HDHD3: variants seen among roughly 807,000 people sequenced by gnomAD.
HDHD3 encodes haloacid dehalogenase-like hydrolase domain-containing protein 3.
Under a neutral mutation model 6.9 loss-of-function variants are expected in HDHD3, and 6 were observed. The observed-to-expected ratio is 0.87, with a 90% CI of 0.48 to 1.72. The LOEUF (loss-of-function observed/expected upper bound fraction) is 1.72. Ranked by LOEUF, HDHD3 falls within the 40% of genes most tolerant of loss-of-function variation. The pLI is 0.01. For missense variants in HDHD3, 308 were observed against 327.4 expected (o/e 0.94, Z 0.46); for synonymous variants, 139 against 140.7 (o/e 0.99, Z 0.08).
Position 113,374,272 on chromosome 9 carries a change from G to A in HDHD3, c.83C>T (p.Ala28Val). ...LLRLRHPLGE[A>V]YATKARAHGL... ...ATGGGCCCGGGCCTTGGTGGCATAG[G>A]CCTCCCCTAAGGGGTGGCGGAGCCT... The change falls in exon 3 of 3, where the codon GCC becomes GTC. Residue 28 changes from alanine (A) to valine (V), a missense_variant. Coordinates refer to ENST00000374180, the MANE Select transcript of HDHD3 (RefSeq NM_001304509.2). The A allele has an allele frequency of 6.3e-7, 1 of 1,587,746 alleles. No homozygotes were observed.
At position 113,373,610 on chromosome 9, in the gene HDHD3, G is replaced by A; in HGVS notation, c.745C>T (p.Pro249Ser). Reference protein sequence around the residue: ...PALDCLEGSTPGL With the variant: ...PALDCLEGSTSGL ...TTCCCTCACTGGCCTCAAAGCCCTGGAGTTGAGCCCTCTAGGCAGTCAAGG... is the reference window on the plus strand; with the variant it reads ...TTCCCTCACTGGCCTCAAAGCCCTGAAGTTGAGCCCTCTAGGCAGTCAAGG... The change falls in exon 3 of 3, where the codon CCA (proline) becomes TCA (serine). Residue 249 changes from proline (P) to serine (S), a missense_variant. Transcript: ENST00000374180. The A allele has an allele frequency of 6.4e-7, 1 of 1,574,746 alleles. No individual in the cohort carries two copies. Among genetic ancestry groups the A allele is most frequent in the African/African-American group, 1.4e-5 (1 of 74,014 alleles).
In HDHD3 at chr9:113,376,984, G is replaced by C. The variant is rs1834484440; in HGVS notation, c.-546C>G. On this transcript the variant is annotated 5_prime_UTR_variant, in exon 1 of 3. Coordinates refer to ENST00000374180, the MANE Select transcript of HDHD3 (RefSeq NM_001304509.2). Reference sequence around the variant, plus strand: ...CGCAAGGCCCGCGAGCTCGGGCGGAGGTGCGCAAGCGCCGGGCGGTGGGGC... The same window carrying C: ...CGCAAGGCCCGCGAGCTCGGGCGGACGTGCGCAAGCGCCGGGCGGTGGGGC... 6.6e-6 allele frequency: 1 copy of C among 152,266 alleles called. No homozygotes were observed. Among genetic ancestry groups the C allele is most frequent in the Admixed American group, 6.5e-5 (1 of 15,290 alleles). The allele number at this position is 152,266 out of a possible 1,614,324, so 9.4% of individuals were successfully genotyped here.
chr9:113,374,899 A>C (rs1834424865), intron 2 of HDHD3, among the ~76,000 whole-genome samples: 1 of 146,744 alleles, frequency 6.8e-6, no homozygotes, highest in Admixed American at 6.8e-5. Context: ...TTTGTGAGAC[A>C]GGGTCTCTCT....
Position 113,376,420 on chromosome 9 carries a change from T to C in HDHD3, c.-291+309A>G, listed in dbSNP as rs1372715574. 1.8e-4 allele frequency among the ~76,000 whole-genome samples: 25 copies of C among 139,962 alleles called. 1 individual carries two copies. The highest frequency in any genetic ancestry group is 6.6e-4 in the African/African-American group (23 of 34,976). 91.8% of individuals were successfully genotyped at this position (139,962 alleles called of 152,430 possible). A position where few individuals can be genotyped will look rare whatever the true frequency, so the allele number is the denominator to read the frequency against. On this transcript the variant is annotated intron_variant, in intron 1 of 2. Coordinates refer to ENST00000374180, the MANE Select transcript of HDHD3 (RefSeq NM_001304509.2). ...AGGTGTACAGTGGTGCGATCTCGGC[T>C]CACTGCAACTTCCGCCTCCCGGATT... is the stretch of plus-strand genomic sequence containing the variant.
At chr9:113,374,786 A>G (rs1245657218) in intron 2 of HDHD3, among the ~76,000 whole-genome samples, 1 of 152,264 alleles carries the variant, frequency 6.6e-6, no homozygotes, top group East Asian at 1.9e-4. Context: ...AATGAAGTCA[A>G]TAGATACCGT....
At chr9:113,376,630 G>T (rs1047651893) in intron 1 of HDHD3, 99 bp downstream of exon 1, 11 of 145,664 alleles carry the variant, frequency 7.6e-5, no homozygotes, top group African/African-American at 2.8e-4. Flanking sequence ...CAAAGTGCTG[G>T]GATTACGGTA....
intron 2 of HDHD3, among the ~76,000 whole-genome samples, chr9:113,374,855 G>C (rs1389702983): frequency 2.6e-5 from 4 of 152,158 alleles, no homozygotes; most frequent in African/African-American, 9.7e-5. Context: ...TCATAAGCAA[G>C]TGAAGTTTCT....
chr9:113,373,905 C>T lies in HDHD3; in HGVS notation c.450G>A (p.Leu150=), dbSNP rs145355705. ...TCAGCACAAAGTCGAAGTGTTCACG[C>T]AGGCCAAGGCCCCCCAGGATGCCCT... The part of the protein sequence containing the change: ...RLEGILGGLG[L]REHFDFVLTS... Residue 150 remains leucine, a synonymous_variant, in exon 3 of 3, where the codon CTG becomes CTA. Transcript: ENST00000374180. 6.2e-7 allele frequency: 1 copy of T among 1,614,138 alleles called. No homozygotes were observed. Among genetic ancestry groups the T allele is most frequent in the Admixed American group, 1.7e-5 (1 of 60,008 alleles).
In HDHD3 at chr9:113,373,440, G is replaced by C; in HGVS notation, c.*159C>G. The C allele has an allele frequency of 1.4e-6, 1 of 693,474 alleles. No homozygotes were observed. Among genetic ancestry groups the C allele is most frequent in the South Asian group, 2.7e-5 (1 of 37,730 alleles). 43.0% of individuals were successfully genotyped at this position (693,474 alleles called of 1,614,324 possible). Reference sequence around the variant, plus strand: ...GAGCTGGTTAGTGGGGGAAGGGTGAGAGCTCAGCACTCACTGCTTTATTAT... The same window carrying C: ...GAGCTGGTTAGTGGGGGAAGGGTGACAGCTCAGCACTCACTGCTTTATTAT... On this transcript the variant is annotated 3_prime_UTR_variant, in exon 3 of 3. Transcript: ENST00000374180.
chr9:113,376,590 T>TTCCCCCCCCCCCCCCCCCCCCCCCCCCCC (rs137860074), intron 1 of HDHD3, 139 bp downstream of exon 1: 5 of 134,286 alleles, frequency 3.7e-5, no homozygotes, highest in Non-Finnish European at 6.2e-5. Context: ...CTCGTGATCC[T>TTCCCCCCCCCCCCCCCCCCCCCCCCCCCC]CCCCCGCCCC....
rs1203969099 is a variant in HDHD3 at position 113,373,973 on chromosome 9, C to A, written c.382G>T (p.Gly128Cys). The change falls in exon 3 of 3, where the codon GGT (glycine) becomes TGT (cysteine). Residue 128 changes from glycine to cysteine, a missense_variant. Physicochemically the swap from Gly to Cys is radical, Grantham distance 159. Transcript: ENST00000374180. ...EDTLRECRTR[G>C]LRLAVISNFD... ...TTGGAGATCACTGCCAGTCTCAGACCCCGTGTGCGGCACTCCCTCAGGGTG... is the reference window on the plus strand; with the variant it reads ...TTGGAGATCACTGCCAGTCTCAGACACCGTGTGCGGCACTCCCTCAGGGTG... The A allele has an allele frequency of 3.7e-6, 6 of 1,614,232 alleles. No individual in the cohort carries two copies. The African/African-American group carries it at 8.0e-5, about 22-fold the overall frequency.
Position 113,373,697 on chromosome 9 carries a change from C to T in HDHD3, c.658G>A (p.Val220Met), listed in dbSNP as rs766926828. Residue 220 changes from valine (V) to methionine (M), a missense_variant, in exon 3 of 3, where the codon GTG becomes ATG. Val to Met is a conservative substitution (Grantham distance 21). Coordinates refer to ENST00000374180, the MANE Select transcript of HDHD3 (RefSeq NM_001304509.2). ...LVVGPQALDP[V>M]VRDSVPKEHI... The stretch of plus-strand genomic sequence containing the variant: ...TCTTTAGGTACAGAATCCCTGACCA[C>T]GGGGTCCAGTGCCTGTGGGCCAACC... The T allele has an allele frequency of 6.8e-6, 11 of 1,613,924 alleles. No homozygotes were observed. The highest frequency in any genetic ancestry group is 4.5e-5 in the East Asian group (2 of 44,886).
chr9:113,376,590 T>TTCCCCCCCCCCCCCCCCCCCCCCCCCC (rs137860074), intron 1 of HDHD3, 139 bp downstream of exon 1: 21 of 134,272 alleles, frequency 1.6e-4, no homozygotes, highest in South Asian at 2.3e-4. Flanking sequence ...CTCGTGATCC[T>TTCCCCCCCCCCCCCCCCCCCCCCCCCC]CCCCCGCCCC....
chr9:113,374,713 T>A (rs1040989), intron 2 of HDHD3, among the ~76,000 whole-genome samples, 184 bp from the exon 3 acceptor site: 57,339 of 151,952 alleles, frequency 0.38, 11,323 homozygotes, highest in East Asian at 0.57. Flanking sequence ...CTTAGGGCAT[T>A]TACAGGCACT....
At chr9:113,374,866 TTTTA>T (rs1288006801) in intron 2 of HDHD3, among the ~76,000 whole-genome samples, 28 of 152,068 alleles carry the variant, frequency 1.8e-4, no homozygotes, top group East Asian at 1.7e-3. Context: ...TGAAGTTTCT[TTTTA>T]TTTATTTTTT....
At position 113,374,064 on chromosome 9, in the gene HDHD3, G is replaced by C. The variant is rs767554180; in HGVS notation, c.291C>G (p.Ile97Met). 1.2e-6 allele frequency: 2 copies of C among 1,613,628 alleles called. No individual in the cohort carries two copies. Among genetic ancestry groups the C allele is most frequent in the Admixed American group, 3.3e-5 (2 of 60,020 alleles). ...TGAAGTCTTTATAAAGCTGTTCAGC[G>C]ATGGGGGCTACAGCCTGAGCATCCT... ...GVQDAQAVAP[I>M]AEQLYKDFSH... The change falls in exon 3 of 3, where the codon ATC becomes ATG. Residue 97 changes from isoleucine (I) to methionine (M), a missense_variant. Physicochemically the swap from Ile to Met is conservative, Grantham distance 10 (BLOSUM62 1). Coordinates refer to ENST00000374180, the MANE Select transcript of HDHD3 (RefSeq NM_001304509.2).
In HDHD3 at chr9:113,374,307, G is replaced by T. The variant is rs768554554; in HGVS notation, c.48C>A (p.Asp16Glu). The T allele has an allele frequency of 6.5e-7, 1 of 1,534,278 alleles. No individual in the cohort carries two copies. Among genetic ancestry groups the T allele is most frequent in the Non-Finnish European group, 8.8e-7 (1 of 1,139,254 alleles). The change falls in exon 3 of 3, where the codon GAC becomes GAA. Residue 16 changes from aspartate to glutamate, a missense_variant. Physicochemically the swap from Asp to Glu is conservative, Grantham distance 45. Coordinates refer to ENST00000374180, the MANE Select transcript of HDHD3 (RefSeq NM_001304509.2). The stretch of plus-strand genomic sequence containing the variant: ...AGGGGTGGCGGAGCCTGAGCAGCGT[G>T]TCCTTCACATCCCACGTCAGCAGTC... ...QIRLLTWDVK[D>E]TLLRLRHPLG...
chr9:113,373,656 A>C lies in HDHD3; in HGVS notation c.699T>G (p.Ser233=), dbSNP rs1834383794. ...DSVPKEHILP[S]LAHLLPALDC... ...CAAGGGCAGGCAGGAGATGGGCCAG[A>C]GAGGGGAGGATGTGTTCTTTAGGTA... Residue 233 remains serine (S), a synonymous_variant, in exon 3 of 3, where the codon TCT becomes TCG. Coordinates refer to ENST00000374180, the MANE Select transcript of HDHD3 (RefSeq NM_001304509.2). The C allele has an allele frequency of 1.9e-6, 3 of 1,611,676 alleles. No individual in the cohort carries two copies. The highest frequency in any genetic ancestry group is 2.5e-6 in the Non-Finnish European group (3 of 1,178,802).
At chr9:113,376,210 C>T (rs1834456440) in intron 1 of HDHD3, 1 of 150,354 alleles carries the variant, frequency 6.7e-6, no homozygotes, top group Non-Finnish European at 1.5e-5. Flanking sequence ...GCATGCGCCA[C>T]CATCCCCGGC....
Sources: gnomAD v4.1 joint callset for allele counts (sites outside exome capture counted in the v4.1 genomes callset) on GRCh38, gnomAD v4.1.1 for gene constraint, MANE v1.5 for transcripts, NCBI Gene and HGNC (gene_info 2026-07-23, HGNC 2026-07-21) for gene names.